The following FOCAD variants were observed in gnomAD, a reference collection of about 807,000 sequenced individuals.
The protein encoded by FOCAD is KIAA1797.
FOCAD carries 198 observed loss-of-function variants against 225.6 expected under a neutral mutation model. That is an observed-to-expected ratio of 0.88 (90% CI 0.78 to 0.99). The LOEUF (loss-of-function observed/expected upper bound fraction) is 0.99. FOCAD is among the 50% of genes least tolerant of loss of function. The pLI, the probability that FOCAD is intolerant of heterozygous loss-of-function variation, is 0.00. For missense variants in FOCAD, 2,713 were observed against 2,123.6 expected (o/e 1.28, Z -5.46); for synonymous variants, 897 against 755.0 (o/e 1.19, Z -3.08).
intron 15 of FOCAD, among the ~76,000 whole-genome samples, chr9:20,824,560 C>T (rs1286445512): frequency 1.3e-5 from 2 of 151,932 alleles, no homozygotes; most frequent in Admixed American, 6.6e-5. Flanking sequence ...ACTGACTTTC[C>T]TCATTCCATT....
At chr9:20,935,387 T>A (rs1307455272) in intron 28 of FOCAD, among the ~76,000 whole-genome samples, 3 of 152,146 alleles carry the variant, frequency 2.0e-5, no homozygotes, top group Admixed American at 6.5e-5. Flanking sequence ...AATCTTTTTT[T>A]AAAGTATTTA....
At chr9:20,911,818 G>C (rs1432000495) in intron 22 of FOCAD, among the ~76,000 whole-genome samples, 1 of 152,092 alleles carries the variant, frequency 6.6e-6, no homozygotes, top group African/African-American at 2.4e-5. Flanking sequence ...AGTATGGAGA[G>C]ATACATACTT....
intron 11 of FOCAD, among the ~76,000 whole-genome samples, chr9:20,793,959 A>G (rs1339105506): frequency 6.6e-6 from 1 of 152,166 alleles, no homozygotes; most frequent in Non-Finnish European, 1.5e-5. Flanking sequence ...TGGCCAGACA[A>G]CCTGAAGTGG....
intron 9 of FOCAD, among the ~76,000 whole-genome samples, chr9:20,780,868 T>G (rs373698637): frequency 6.6e-6 from 1 of 152,164 alleles, no homozygotes; most frequent in African/African-American, 2.4e-5. Context: ...AGTGTTAGAG[T>G]AACAGGTGTT....
At chr9:20,796,069 G>GT (rs1345677409) in intron 11 of FOCAD, among the ~76,000 whole-genome samples, 2 of 151,906 alleles carry the variant, frequency 1.3e-5, no homozygotes, top group South Asian at 4.2e-4. Flanking sequence ...GCGGTGTTTG[G>GT]TTTTTTGTTC....
chr9:20,811,170 G>A (rs530579877), intron 11 of FOCAD, among the ~76,000 whole-genome samples: 2 of 152,152 alleles, frequency 1.3e-5, no homozygotes, highest in South Asian at 2.1e-4. Context: ...TACTCTAAAA[G>A]CATTTACAGT....
intron 1 of FOCAD, among the ~76,000 whole-genome samples, chr9:20,696,490 CT>C (rs372105421): frequency 1.5e-3 from 226 of 152,288 alleles, no homozygotes; most frequent in African/African-American, 5.1e-3. Context: ...GCTTGTCCCT[CT>C]CAAAATTCAT....
At chr9:20,832,864 G>C (rs950716789) in intron 15 of FOCAD, among the ~76,000 whole-genome samples, 16 of 152,008 alleles carry the variant, frequency 1.1e-4, no homozygotes, top group African/African-American at 2.9e-4. Flanking sequence ...TGGACACTTA[G>C]GTTGTTTCCA....
intron 11 of FOCAD, among the ~76,000 whole-genome samples, chr9:20,799,153 G>C (rs187240643): frequency 2.6e-5 from 4 of 152,250 alleles, no homozygotes; most frequent in African/African-American, 9.6e-5. Context: ...GTAGTTGAGC[G>C]GTTTTGAGTG....
intron 28 of FOCAD, among the ~76,000 whole-genome samples, chr9:20,937,411 C>G (rs1050312319): frequency 6.6e-6 from 1 of 152,132 alleles, no homozygotes; most frequent in African/African-American, 2.4e-5. Flanking sequence ...ACAGAGCTCT[C>G]AGAAATAATG....
intron 11 of FOCAD, among the ~76,000 whole-genome samples, chr9:20,793,096 C>T (rs1271231907): frequency 6.6e-6 from 1 of 152,158 alleles, no homozygotes; most frequent in East Asian, 1.9e-4. Context: ...GTATTCTTCA[C>T]ACCAGCAAAA....
intron 43 of FOCAD, among the ~76,000 whole-genome samples, chr9:20,995,038 G>C (rs1389195540): frequency 2.6e-5 from 4 of 152,018 alleles, no homozygotes; most frequent in Admixed American, 2.6e-4. Context: ...TGATCCCTGA[G>C]GGACCTGTGA....
intron 3 of FOCAD, 81 bp downstream of exon 3, chr9:20,717,949 C>T: frequency 9.4e-7 from 1 of 1,060,664 alleles, no homozygotes. Flanking sequence ...GTCTTGTTTC[C>T]CTGATAGTTC....
At chr9:20,980,811 C>G (rs1181474966) in intron 37 of FOCAD, among the ~76,000 whole-genome samples, 2 of 152,150 alleles carry the variant, frequency 1.3e-5, no homozygotes, top group African/African-American at 4.8e-5. Context: ...ATTTTTGAAG[C>G]CCACTTGGTT....
At chr9:20,818,852 G>A (rs1824014667) in intron 11 of FOCAD, among the ~76,000 whole-genome samples, 1 of 152,018 alleles carries the variant, frequency 6.6e-6, no homozygotes, top group South Asian at 2.1e-4. Context: ...GGTATTTAGG[G>A]TTCCTTGCTT....
chr9:20,770,068 T>A lies in FOCAD; in HGVS notation c.736T>A (p.Phe246Ile), dbSNP rs1415903302. The change falls in exon 8 of 44, where the codon TTT becomes ATT. Residue 246 changes from phenylalanine to isoleucine, a missense_variant. Phe to Ile is a conservative substitution (Grantham distance 21). Transcript: ENST00000338382. ...DLIQTTEAMM[F>I]IEEVCLSLLR... ...GATACAGACAACAGAGGCGATGATGTTTATTGAGGAAGTATGTTTAAGCCT... is the reference window on the plus strand; with the variant it reads ...GATACAGACAACAGAGGCGATGATGATTATTGAGGAAGTATGTTTAAGCCT... 6.2e-7 allele frequency: 1 copy of A among 1,614,026 alleles called. No individual in the cohort carries two copies. Among genetic ancestry groups the A allele is most frequent in the South Asian group, 1.1e-5 (1 of 91,074 alleles).
Position 20,720,466 on chromosome 9 carries a change from C to G in FOCAD, c.219C>G (p.Leu73=). The G allele has an allele frequency of 4.3e-6, 7 of 1,614,024 alleles. No homozygotes were observed. Among genetic ancestry groups the G allele is most frequent in the Non-Finnish European group, 5.9e-6 (7 of 1,179,964 alleles). Reference sequence around the variant, plus strand: ...CCTGCTGTGAAGGTCTGGTGGCACTCGTTGCTCAGGATCATGCAGAGTTCA... The same window carrying G: ...CCTGCTGTGAAGGTCTGGTGGCACTGGTTGCTCAGGATCATGCAGAGTTCA... ...RTACCEGLVA[L]VAQDHAEFSY... is the part of the protein sequence containing the mutation. The change falls in exon 4 of 44, where the codon CTC becomes CTG. Residue 73 remains leucine (L), a synonymous_variant. Transcript: ENST00000338382.
chr9:20,832,334 G>A (rs771843013), intron 15 of FOCAD, among the ~76,000 whole-genome samples: 5 of 151,882 alleles, frequency 3.3e-5, no homozygotes, highest in Non-Finnish European at 7.4e-5. Flanking sequence ...CCCCAAATAA[G>A]TCAGATTCTC....
At chr9:20,932,951 T>G in intron 27 of FOCAD, 63 bp from the exon 28 acceptor site, 1 of 1,137,654 alleles carries the variant, frequency 8.8e-7, no homozygotes, top group East Asian at 2.4e-5. Context: ...AATATTGTAT[T>G]CAGTATTTTG....
Sources: allele counts gnomAD v4.1 joint callset (sites outside exome capture counted in the v4.1 genomes callset), GRCh38; gene constraint gnomAD v4.1.1; transcripts MANE v1.5; gene names NCBI Gene and HGNC (gene_info 2026-07-23, HGNC 2026-07-21).